Variants in MGA observed in about 807,000 individuals in gnomAD.
The protein encoded by MGA is MAX gene-associated protein.
Under a neutral mutation model 261.1 loss-of-function variants are expected in MGA, and 40 were observed. The ratio of observed to expected loss-of-function variants is 0.15; its 90% CI spans 0.12 to 0.20. MGA has a LOEUF of 0.20. Ranked by LOEUF, MGA falls within the 10% of genes least tolerant of loss-of-function variation. The pLI is 1.00. For missense variants in MGA, 3,397 were observed against 3,630.5 expected (o/e 0.94, Z 1.65); for synonymous variants, 1,302 against 1,290.6 (o/e 1.01, Z -0.19).
chr15:41,767,002 G>C lies in MGA; in HGVS notation c.8920G>C (p.Glu2974Gln), dbSNP rs1423994019. Residue 2974 changes from glutamate to glutamine, a missense_variant, in exon 24 of 24, where the codon GAG (glutamate) becomes CAG (glutamine). Transcript: ENST00000219905. ...CACCCTACACATGAAGACTGGCTTG[G>C]AGAACAGCAACAGCACAGACACTTT... The C allele has an allele frequency of 1.2e-6, 2 of 1,613,892 alleles. No homozygotes were observed. The highest frequency in any genetic ancestry group is 1.3e-5 in the African/African-American group (1 of 74,936).
chr15:41,696,501 T>A lies in MGA; in HGVS notation c.1491T>A (p.Asp497Glu). Reference sequence around the variant, plus strand: ...ACATGCTTTCCACATCTCGAAAGGATAAATCTTCTATGTTGGCAGAATTGG... The same window carrying A: ...ACATGCTTTCCACATCTCGAAAGGAAAAATCTTCTATGTTGGCAGAATTGG... Residue 497 changes from aspartate (D) to glutamate (E), a missense_variant, in exon 3 of 24, where the codon GAT becomes GAA. Asp to Glu is a conservative substitution (Grantham distance 45). This residue lies in a region of MGA where 563 missense variants were observed against 563.6 expected (regional missense o/e 1.00). Transcript: ENST00000219905. 3.1e-6 allele frequency: 5 copies of A among 1,614,026 alleles called. No individual in the cohort carries two copies. The highest frequency in any genetic ancestry group is 3.3e-4 in the Middle Eastern group (2 of 6,062).
At chr15:41,702,606 C>T (rs2059909798) in intron 5 of MGA, among the ~76,000 whole-genome samples, 1 of 152,098 alleles carries the variant, frequency 6.6e-6, no homozygotes, top group South Asian at 2.1e-4. Context: ...TTTGAATTTG[C>T]TTTAAAATTG....
chr15:41,745,451 T>G (rs1472629057), intron 15 of MGA, among the ~76,000 whole-genome samples: 1 of 150,952 alleles, frequency 6.6e-6, no homozygotes, highest in South Asian at 2.1e-4. Context: ...TTTGCTGTCT[T>G]TTTTTTTAAA....
chr15:41,648,702 T>C (rs1350876425), intron 1 of MGA, among the ~76,000 whole-genome samples: 2 of 152,156 alleles, frequency 1.3e-5, no homozygotes, highest in Non-Finnish European at 2.9e-5. Flanking sequence ...TAGAAGGTCA[T>C]TGTGCCTGGA....
chr15:41,656,379 A>ACC (rs2057194017), upstream of MGA, among the ~76,000 whole-genome samples: 1 of 30,874 alleles, frequency 3.2e-5, no homozygotes, highest in African/African-American at 6.3e-5. Context: ...TCTCTCTCTC[A>ACC]CACCCAGGCT....
intron 1 of MGA, among the ~76,000 whole-genome samples, chr15:41,627,965 A>G (rs981848549): frequency 6.6e-6 from 1 of 152,246 alleles, no homozygotes; most frequent in East Asian, 1.9e-4. Flanking sequence ...ACAATTCAAC[A>G]ACAAATAATT....
intron 2 of MGA, among the ~76,000 whole-genome samples, chr15:41,687,125 T>A (rs2059011632): frequency 6.6e-6 from 1 of 152,172 alleles, no homozygotes; most frequent in Non-Finnish European, 1.5e-5. Flanking sequence ...AAGTTCTTTG[T>A]TTTTTTCTAT....
In MGA at chr15:41,768,304, C is replaced by T. The variant is rs577805827; in HGVS notation, c.*1024C>T. The T allele has an allele frequency of 6.6e-6, 1 of 152,652 alleles. No individual in the cohort carries two copies. 9.5% of individuals were successfully genotyped at this position (152,652 alleles called of 1,614,324 possible). On this transcript the variant is annotated 3_prime_UTR_variant, in exon 24 of 24. Transcript: ENST00000219905. ...TTGAATCACAAGATATATTTTTTAT[C>T]TGCAACCATGGATCCAATGATCTGT...
In MGA at chr15:41,734,460, A is replaced by G. The variant is rs934090594; in HGVS notation, c.3844-62A>G. On this transcript the variant is annotated intron_variant, in intron 11 of 23. Transcript: ENST00000219905. The stretch of plus-strand genomic sequence containing the variant: ...GTGAGAGATTTAATGCTTGTGTCCA[A>G]GTTTCTGTGGGTATTGAATATATGT... The G allele has an allele frequency of 2.0e-5, 26 of 1,303,226 alleles. No individual in the cohort carries two copies. In the African/African-American group the frequency reaches 2.1e-4, roughly 10 times the overall value. The allele number at this position is 1,303,226 out of a possible 1,614,324, so 80.7% of individuals were successfully genotyped here.
At chr15:41,654,080 C>CTTT (rs1324462009) in intron 1 of MGA, among the ~76,000 whole-genome samples, 1 of 151,604 alleles carries the variant, frequency 6.6e-6, no homozygotes, top group Non-Finnish European at 1.5e-5. Context: ...CTAATATCCT[C>CTTT]TTCTGTATTG....
At chr15:41,626,414 A>G (rs1218285753) in intron 1 of MGA, among the ~76,000 whole-genome samples, 1 of 151,906 alleles carries the variant, frequency 6.6e-6, no homozygotes. Context: ...TTGACTCTAA[A>G]AAAACTTTTT....
At chr15:41,730,128 T>C (rs1286484662) in intron 11 of MGA, among the ~76,000 whole-genome samples, 1 of 152,088 alleles carries the variant, frequency 6.6e-6, no homozygotes, top group Non-Finnish European at 1.5e-5. Flanking sequence ...TCCTGACCTC[T>C]GATGATCCAC....
rs112445918 is a variant in MGA, at chr15:41,718,301, G to A, written c.3430+4805G>A. On this transcript the variant is annotated intron_variant, in intron 9 of 23. Transcript: ENST00000219905. Reference sequence around the variant, plus strand: ...GTGTATATGTAGTGTGTGTGTGTGTGTATATATATATATATATATACATAT... The same window carrying A: ...GTGTATATGTAGTGTGTGTGTGTGTATATATATATATATATATATACATAT... 2.1e-3 allele frequency: 406 copies of A among 193,414 alleles called. 2 individuals are homozygous for A. The South Asian group carries it at 0.026, about 12-fold the overall frequency. The allele number at this position is 193,414 out of a possible 1,614,324, so 12.0% of individuals were successfully genotyped here. A position where few individuals can be genotyped will look rare whatever the true frequency, so the allele number is the denominator to read the frequency against.
Position 41,750,381 on chromosome 15 carries a change from G to C in MGA, c.6774G>C (p.Arg2258Ser), listed in dbSNP as rs370181984. The C allele has an allele frequency of 4.3e-6, 7 of 1,613,936 alleles. No individual in the cohort carries two copies. The South Asian group carries it at 4.4e-5, about 10-fold the overall frequency. ...CTTCAGCCTTCTCCATTGTTCCTAG[G>C]AGAGCTGCAAAAAGCAGCAGAGGGA... Residue 2258 changes from arginine (R) to serine (S), a missense_variant, in exon 17 of 24, where the codon AGG becomes AGC. This residue lies in a region of MGA where 1,410 missense variants were observed against 1,386.4 expected (regional missense o/e 1.02). Coordinates refer to ENST00000219905, the MANE Select transcript of MGA (RefSeq NM_001164273.2).
chr15:41,623,478 C>G (rs2056359532), intron 1 of MGA, among the ~76,000 whole-genome samples: 1 of 152,052 alleles, frequency 6.6e-6, no homozygotes, highest in African/African-American at 2.4e-5. Flanking sequence ...GGTGTGGTGG[C>G]TCACGCCTGT....
At chr15:41,755,356 T>G (rs1194585749) in intron 18 of MGA, among the ~76,000 whole-genome samples, 1 of 152,184 alleles carries the variant, frequency 6.6e-6, no homozygotes, top group Non-Finnish European at 1.5e-5. Flanking sequence ...TTTTCTTCAG[T>G]CCGGAGCTGT....
intron 1 of MGA, among the ~76,000 whole-genome samples, chr15:41,660,979 A>C (rs2057366189): frequency 6.6e-6 from 1 of 152,194 alleles, no homozygotes; most frequent in Non-Finnish European, 1.5e-5. Context: ...CTAGAACTCC[A>C]AGGGAAACGG....
chr15:41,708,191 C>T lies in MGA; in HGVS notation c.2408C>T (p.Ser803Phe). Residue 803 changes from serine (S) to phenylalanine (F), a missense_variant, in exon 7 of 24, where the codon TCT (serine) becomes TTT (phenylalanine). This residue lies in a region of MGA where 519 missense variants were observed against 554.1 expected (regional missense o/e 0.94). Coordinates refer to ENST00000219905, the MANE Select transcript of MGA (RefSeq NM_001164273.2). ...TGGAGGGGAAAATTTCATAGTGCTT[C>T]TGCATCTAGGAATGAAGGTAATTAG... 6.3e-7 allele frequency: 1 copy of T among 1,592,788 alleles called. No individual in the cohort carries two copies.
intron 9 of MGA, among the ~76,000 whole-genome samples, chr15:41,726,376 G>A (rs991634577): frequency 2.0e-5 from 3 of 152,134 alleles, no homozygotes; most frequent in African/African-American, 7.2e-5. Flanking sequence ...TAGAACTATT[G>A]AATAATAAGG....
Sources: allele counts gnomAD v4.1 joint callset (sites outside exome capture counted in the v4.1 genomes callset), GRCh38; gene constraint gnomAD v4.1.1; regional missense constraint gnomAD v4.1.1; transcripts MANE v1.5; gene names NCBI Gene and HGNC (gene_info 2026-07-23, HGNC 2026-07-21).